UMAD1: variants seen among roughly 807,000 people sequenced by gnomAD.
UMAD1 encodes UBAP1-MVB12-associated (UMA) domain containing 1, also known as UBAP1-MVB12-associated (UMA)-domain containing protein 1.
Under a neutral mutation model 6.1 loss-of-function variants are expected in UMAD1, and 8 were observed. The ratio of observed to expected loss-of-function variants is 1.30; its 90% CI spans 0.76 to 2.35. UMAD1 has a LOEUF of 2.35. UMAD1 is among the 30% of genes most tolerant of loss of function. UMAD1 has a pLI of 0.00. For missense variants in UMAD1, 130 were observed against 78.4 expected (o/e 1.66, Z -2.49); for synonymous variants, 56 against 31.4 (o/e 1.78, Z -2.61).
At chr7:7,834,778 C>T (rs972586242) in intron 3 of UMAD1, among the ~76,000 whole-genome samples, 17 of 152,076 alleles carry the variant, frequency 1.1e-4, no homozygotes, top group Admixed American at 1.0e-3. Context: ...ATGAATTGAA[C>T]GTATGGGTGG....
chr7:7,778,375 G>A (rs1782269340), intron 2 of UMAD1, among the ~76,000 whole-genome samples: 1 of 151,208 alleles, frequency 6.6e-6, no homozygotes, highest in South Asian at 2.1e-4. Flanking sequence ...AGTGTTCATG[G>A]TACTGTTCTT....
At chr7:7,808,262 A>C (rs184433196) in intron 3 of UMAD1, among the ~76,000 whole-genome samples, 2 of 152,074 alleles carry the variant, frequency 1.3e-5, no homozygotes, top group East Asian at 1.9e-4. Flanking sequence ...ATGATGTTGC[A>C]TCTACTTCTA....
At chr7:7,778,261 TGTGTGTGTGTGTGTGAGA>T (rs1563198357) in intron 2 of UMAD1, among the ~76,000 whole-genome samples, 1 of 140,612 alleles carries the variant, frequency 7.1e-6, no homozygotes, top group Non-Finnish European at 1.5e-5. Flanking sequence ...TGTGTGTGTG[TGTGTGTGTGTGTGTGAGA>T]GAGAGAGAGA....
At chr7:7,702,434 GA>G (rs1780482944) in intron 2 of UMAD1, among the ~76,000 whole-genome samples, 1 of 151,972 alleles carries the variant, frequency 6.6e-6, no homozygotes, top group African/African-American at 2.4e-5. Context: ...ACTATAATAC[GA>G]AAATTCTGGT....
intron 3 of UMAD1, among the ~76,000 whole-genome samples, chr7:7,811,453 G>C (rs749199933): frequency 5.9e-5 from 9 of 152,094 alleles, no homozygotes; most frequent in Non-Finnish European, 1.3e-4. Context: ...GAATTGCTGG[G>C]TCATATAACA....
At chr7:7,816,847 G>C (rs959911514) in intron 3 of UMAD1, among the ~76,000 whole-genome samples, 4 of 152,142 alleles carry the variant, frequency 2.6e-5, no homozygotes, top group African/African-American at 9.7e-5. Context: ...TTATTACAAA[G>C]AGTTTTTGTA....
intron 2 of UMAD1, among the ~76,000 whole-genome samples, chr7:7,791,634 C>T (rs1782568953): frequency 6.6e-6 from 1 of 152,062 alleles, no homozygotes; most frequent in African/African-American, 2.4e-5. Flanking sequence ...AAATTATTAC[C>T]CCATAGCTAC....
chr7:7,805,548 A>T (rs1782896097), intron 3 of UMAD1, among the ~76,000 whole-genome samples: 1 of 146,486 alleles, frequency 6.8e-6, no homozygotes, highest in African/African-American at 2.6e-5. Context: ...TAGCAGACAG[A>T]AATATGTCAG....
intron 2 of UMAD1, among the ~76,000 whole-genome samples, chr7:7,734,940 T>C (rs1186225816): frequency 1.3e-5 from 2 of 152,174 alleles, no homozygotes; most frequent in African/African-American, 4.8e-5. Flanking sequence ...GAATTTGAAT[T>C]CTATTTTTAC....
At chr7:7,807,673 A>G (rs1213514757) in intron 3 of UMAD1, among the ~76,000 whole-genome samples, 1 of 152,090 alleles carries the variant, frequency 6.6e-6, no homozygotes, top group African/African-American at 2.4e-5. Flanking sequence ...ATTATGGGAT[A>G]TTTTAGCGCA....
chr7:7,688,294 AGTT>A (rs770329116), intron 2 of UMAD1, among the ~76,000 whole-genome samples: 30 of 151,756 alleles, frequency 2.0e-4, no homozygotes, highest in Non-Finnish European at 3.5e-4. Context: ...AAGGTGGGAG[AGTT>A]GTTGTCAGGT....
At chr7:7,711,459 T>C (rs1208183792) in intron 2 of UMAD1, among the ~76,000 whole-genome samples, 1 of 152,240 alleles carries the variant, frequency 6.6e-6, no homozygotes, top group Non-Finnish European at 1.5e-5. Context: ...TATTATACTC[T>C]ATCCTTTTTA....
intron 2 of UMAD1, among the ~76,000 whole-genome samples, chr7:7,722,049 G>A (rs753418554): frequency 1.3e-5 from 2 of 151,798 alleles, no homozygotes; most frequent in Non-Finnish European, 2.9e-5. Context: ...TAAGTTCTTC[G>A]GCTTTGGGAC....
At chr7:7,796,550 C>T (rs998566124) in intron 2 of UMAD1, among the ~76,000 whole-genome samples, 8 of 152,080 alleles carry the variant, frequency 5.3e-5, no homozygotes, top group South Asian at 2.1e-4. Flanking sequence ...CGTGCCCGGC[C>T]GACCCATTTC....
intron 3 of UMAD1, among the ~76,000 whole-genome samples, chr7:7,826,490 C>T (rs756321379): frequency 1.3e-5 from 2 of 152,102 alleles, no homozygotes; most frequent in East Asian, 1.9e-4. Context: ...TGGTCCTGTG[C>T]GTTAGCCACT....
intron 3 of UMAD1, among the ~76,000 whole-genome samples, chr7:7,821,251 A>G (rs1563233793): frequency 1.3e-5 from 2 of 152,160 alleles, no homozygotes; most frequent in Non-Finnish European, 2.9e-5. Flanking sequence ...GCTATTGAGC[A>G]CTTGAAATGT....
At chr7:7,642,307 A>AT (rs34122358) in intron 1 of UMAD1, among the ~76,000 whole-genome samples, 45,470 of 149,368 alleles carry the variant, frequency 0.3, 8,714 homozygotes, top group East Asian at 0.78. Flanking sequence ...GCTAATAAAG[A>AT]TTTTTTTTTT....
At chr7:7,688,921 A>T (rs1415148470) in intron 2 of UMAD1, among the ~76,000 whole-genome samples, 3 of 152,190 alleles carry the variant, frequency 2.0e-5, no homozygotes, top group Non-Finnish European at 4.4e-5. Context: ...AATGAAAATA[A>T]GTCTTTGTTA....
chr7:7,722,142 A>ACTCT (rs34667843), intron 2 of UMAD1, among the ~76,000 whole-genome samples: 12 of 144,042 alleles, frequency 8.3e-5, no homozygotes, highest in East Asian at 2.0e-4. Flanking sequence ...TCCTTAATAA[A>ACTCT]CTCTCTCTCT....
Sources: allele counts gnomAD v4.1 joint callset (sites outside exome capture counted in the v4.1 genomes callset), GRCh38; gene constraint gnomAD v4.1.1; transcripts MANE v1.5; gene names NCBI Gene and HGNC (gene_info 2026-07-23, HGNC 2026-07-21).